Variants in SIRPB2 observed in about 807,000 individuals in gnomAD.
The protein encoded by SIRPB2 is signal regulatory protein beta 2.
SIRPB2 carries 18 observed loss-of-function variants against 27.1 expected under a neutral mutation model. The observed-to-expected ratio is 0.66, with a 90% confidence interval of 0.46 to 0.98. SIRPB2 has a LOEUF of 0.98. Among genes scored for constraint, SIRPB2 ranks in the 50% least tolerant of loss-of-function variants. The probability of loss-of-function intolerance (pLI) is 0.00; values close to 1 mark genes in which losing one functional copy is unlikely to be tolerated. For missense variants in SIRPB2, 420 were observed against 417.4 expected, an observed-to-expected ratio of 1.01 and a Z score of -0.06; for synonymous variants, 150 against 164.6, an observed-to-expected ratio of 0.91 and a Z score of 0.68.
At chr20:1,479,587 A>G (rs2090645478) in intron 2 of SIRPB2, 113 bp downstream of exon 2, 2 of 1,456,074 alleles carry the variant, frequency 1.4e-6, no homozygotes, top group East Asian at 2.3e-5. Context: ...ACAAATATGT[A>G]TTGTTGTATG....
chr20:1,477,353 C>T lies in SIRPB2; in HGVS notation c.844G>A (p.Glu282Lys). The change falls in exon 4 of 5, where the codon GAG becomes AAG. Residue 282 changes from glutamate (E) to lysine (K), a missense_variant. By Grantham distance (56) the Glu-to-Lys change is moderately conservative. Transcript: ENST00000359801. ...EAEFTSEPAT[E>K]MSPTGLLVVF... is the part of the protein sequence containing the mutation. ...GTACGCTCACCTGTTGGAGACATCT[C>T]AGTTGCAGGTTCACTGGTGAATTCT... 6.2e-7 allele frequency: 1 copy of T among 1,614,216 alleles called. No homozygotes were observed. The highest frequency in any genetic ancestry group is 8.5e-7 in the Non-Finnish European group (1 of 1,180,040).
intron 1 of SIRPB2, among the ~76,000 whole-genome samples, chr20:1,482,713 A>G (rs1401045132): frequency 1.3e-5 from 2 of 151,722 alleles, no homozygotes; most frequent in Non-Finnish European, 1.5e-5. Flanking sequence ...TACTTCACTT[A>G]ACATAATAAT....
intron 1 of SIRPB2, among the ~76,000 whole-genome samples, chr20:1,484,029 T>C (rs976526596): frequency 1.3e-5 from 2 of 152,196 alleles, no homozygotes; most frequent in Admixed American, 6.5e-5. Flanking sequence ...AATAGACCAA[T>C]GGCACAGAAT....
chr20:1,488,211 C>A (rs1208264510), intron 1 of SIRPB2, among the ~76,000 whole-genome samples: 1 of 152,068 alleles, frequency 6.6e-6, no homozygotes, highest in Non-Finnish European at 1.5e-5. Context: ...ATATTTGTAT[C>A]CATAATATAT....
chr20:1,485,510 A>G (rs1002874803), intron 1 of SIRPB2, among the ~76,000 whole-genome samples: 6 of 152,170 alleles, frequency 3.9e-5, no homozygotes, highest in African/African-American at 1.4e-4. Flanking sequence ...GAAAGAAGAA[A>G]GGACTCAAAT....
intron 1 of SIRPB2, among the ~76,000 whole-genome samples, chr20:1,481,794 G>A (rs1216018495): frequency 1.3e-5 from 2 of 152,022 alleles, no homozygotes; most frequent in African/African-American, 4.8e-5. Flanking sequence ...GAAATTCAGC[G>A]ACATCCACTC....
rs1324285856 is a variant in SIRPB2 at position 1,477,032 on chromosome 20, G to C, written c.859+306C>G. 2.7e-5 allele frequency: 36 copies of C among 1,325,166 alleles called. No homozygotes were observed. The South Asian group carries it at 3.1e-4, about 11-fold the overall frequency. 82.1% of individuals were successfully genotyped at this position (1,325,166 alleles called of 1,614,324 possible). On this transcript the variant is annotated intron_variant, in intron 4 of 4. Transcript: ENST00000359801. Reference sequence around the variant, plus strand: ...CTTAGCTACAAAGCCATGTTCTCCAGTGTCGCTGTGCATAGCCTCACAGTG... The same window carrying C: ...CTTAGCTACAAAGCCATGTTCTCCACTGTCGCTGTGCATAGCCTCACAGTG...
rs2090629088 is a variant in SIRPB2, at chr20:1,478,312, G to A, written c.747C>T (p.Pro249=). 28 of 1,614,122 alleles carry A rather than the reference G, an allele frequency of 1.7e-5. No individual in the cohort carries two copies. The highest frequency in any genetic ancestry group is 2.3e-5 in the Non-Finnish European group (27 of 1,180,018). ...CCTGTCCAGACAGGTATTGCCTGTT[G>A]GGTTTCCTCTGAAACTTTACACAGT... ...TYYCVKFQRK[P]NRQYLSGQGT... Residue 249 remains proline, a synonymous_variant, in exon 3 of 5, where the codon CCC becomes CCT. Transcript: ENST00000359801.
At position 1,491,256 on chromosome 20, in the gene SIRPB2, T is replaced by G; in HGVS notation, c.85+19A>C. On this transcript the variant is annotated intron_variant, in intron 1 of 4. Coordinates refer to ENST00000359801, the MANE Select transcript of SIRPB2 (RefSeq NM_001122962.2). ...GACCAGCCGGGGGTGGACCCTGTTC[T>G]ATCCTAGACCCCACTTACCTGAGGG... 6.2e-7 allele frequency: 1 copy of G among 1,603,818 alleles called. No individual in the cohort carries two copies. The highest frequency in any genetic ancestry group is 8.5e-7 in the Non-Finnish European group (1 of 1,175,776).
At chr20:1,489,982 C>T (rs927311480) in intron 1 of SIRPB2, among the ~76,000 whole-genome samples, 3 of 152,202 alleles carry the variant, frequency 2.0e-5, no homozygotes, top group African/African-American at 7.2e-5. Context: ...ACCCAAGAAC[C>T]AGCCCTGACT....
At chr20:1,489,835 T>G (rs1029779815) in intron 1 of SIRPB2, among the ~76,000 whole-genome samples, 1 of 152,222 alleles carries the variant, frequency 6.6e-6, no homozygotes, top group African/African-American at 2.4e-5. Flanking sequence ...CTGGGCCAGC[T>G]ACGTAATTTG....
intron 1 of SIRPB2, among the ~76,000 whole-genome samples, chr20:1,489,105 G>A (rs945163506): frequency 1.3e-5 from 2 of 152,164 alleles, no homozygotes; most frequent in African/African-American, 4.8e-5. Flanking sequence ...CAGCCAAAAA[G>A]GAGTATAACT....
intron 1 of SIRPB2, among the ~76,000 whole-genome samples, chr20:1,481,935 C>G (rs1568646921): frequency 1.3e-5 from 2 of 152,156 alleles, no homozygotes; most frequent in South Asian, 2.1e-4. Context: ...AAGAATGGTG[C>G]CTGTTCCCAC....
chr20:1,480,151 T>G lies in SIRPB2; in HGVS notation c.86-86A>C. The stretch of plus-strand genomic sequence containing the variant: ...AGCTTAAAACAATCAAACCATTATC[T>G]GGCCAAGAACAATGGCCCAGGATAA... On this transcript the variant is annotated intron_variant, in intron 1 of 4. Coordinates refer to ENST00000359801, the MANE Select transcript of SIRPB2 (RefSeq NM_001122962.2). 6 of 1,477,860 alleles carry G rather than the reference T, an allele frequency of 4.1e-6. No homozygotes were observed. In the South Asian group the frequency reaches 6.9e-5, roughly 17 times the overall value. The allele number at this position is 1,477,860 out of a possible 1,614,324, so 91.5% of individuals were successfully genotyped here. A position where few individuals can be genotyped will look rare whatever the true frequency, so the allele number is the denominator to read the frequency against.
At chr20:1,491,013 T>G (rs762336514) in intron 1 of SIRPB2, among the ~76,000 whole-genome samples, 2 of 152,158 alleles carry the variant, frequency 1.3e-5, no homozygotes, top group Non-Finnish European at 2.9e-5. Flanking sequence ...CTAAAAGAGC[T>G]GCAGCATCTG....
chr20:1,483,886 A>G (rs1349269554), intron 1 of SIRPB2, among the ~76,000 whole-genome samples: 1 of 151,936 alleles, frequency 6.6e-6, no homozygotes, highest in Non-Finnish European at 1.5e-5. Flanking sequence ...TTTCAGAATT[A>G]TCTTGTATCT....
Position 1,476,024 on chromosome 20 carries a change from G to A in SIRPB2, c.*143C>T. On this transcript the variant is annotated 3_prime_UTR_variant, in exon 5 of 5. Transcript: ENST00000359801. ...CGGTGCAAAGAAGGGAATTTCACTA[G>A]GTGGACCAAAACCAGATGTAGGGAT... The A allele has an allele frequency of 1.1e-6, 1 of 903,462 alleles. No individual in the cohort carries two copies. 56.0% of individuals were successfully genotyped at this position (903,462 alleles called of 1,614,324 possible). A position where few individuals can be genotyped will look rare whatever the true frequency, so the allele number is the denominator to read the frequency against.
chr20:1,486,492 G>A (rs74520964), intron 1 of SIRPB2, among the ~76,000 whole-genome samples: 2,307 of 152,090 alleles, frequency 0.015, 45 homozygotes, highest in African/African-American at 0.051. Flanking sequence ...TCTTGAAACC[G>A]AAGCCTTTTC....
At position 1,483,939 on chromosome 20, in the gene SIRPB2, G is replaced by A. The variant is rs1318089548; in HGVS notation, c.86-3874C>T. On this transcript the variant is annotated intron_variant, in intron 1 of 4. Transcript: ENST00000359801. ...ATCGATATTTTGTGTTCTTTTTCTG[G>A]GATTTTGTAAATTTCTTCTTGATTG... 5.3e-5 allele frequency among the ~76,000 whole-genome samples: 8 copies of A among 151,968 alleles called. No homozygotes were observed. The East Asian group carries it at 1.4e-3, about 26-fold the overall frequency.
Sources: allele counts gnomAD v4.1 joint callset (sites outside exome capture counted in the v4.1 genomes callset), GRCh38; gene constraint gnomAD v4.1.1; transcripts MANE v1.5; gene names NCBI Gene and HGNC (gene_info 2026-07-23, HGNC 2026-07-21).